Variants in CDH13 observed in about 807,000 individuals in gnomAD.
CDH13 encodes the protein cadherin-13.
Under a neutral mutation model 63.8 loss-of-function variants are expected in CDH13, and 24 were observed. That is an observed-to-expected ratio of 0.38 (90% CI 0.27 to 0.53). The LOEUF (loss-of-function observed/expected upper bound fraction) is 0.53, where lower values mean the gene tolerates loss of function less well. CDH13 is among the 20% of genes least tolerant of loss of function. The pLI is 0.85. For missense variants in CDH13, 1,049 were observed against 903.1 expected, an observed-to-expected ratio of 1.16 and a Z score of -2.07; for synonymous variants, 503 against 355.3, an observed-to-expected ratio of 1.42 and a Z score of -4.67.
chr16:82,772,027 C>T (rs147897972), intron 1 of CDH13, among the ~76,000 whole-genome samples: 1 of 152,166 alleles, frequency 6.6e-6, no homozygotes, highest in Non-Finnish European at 1.5e-5. Flanking sequence ...GTGTTACAGA[C>T]AAAGCAGATC....
At chr16:83,262,061 G>T (rs1448153970) in intron 5 of CDH13, among the ~76,000 whole-genome samples, 2 of 152,196 alleles carry the variant, frequency 1.3e-5, no homozygotes, top group Non-Finnish European at 2.9e-5. Context: ...CTGGCACACT[G>T]AGAAGTTACC....
chr16:82,665,240 G>C (rs1466827046), intron 1 of CDH13, among the ~76,000 whole-genome samples: 1 of 152,174 alleles, frequency 6.6e-6, no homozygotes, highest in East Asian at 1.9e-4. Context: ...GTGGACTGCA[G>C]AGTGCTCTCT....
At chr16:83,400,049 A>G (rs2091944754) in intron 6 of CDH13, among the ~76,000 whole-genome samples, 1 of 152,130 alleles carries the variant, frequency 6.6e-6, no homozygotes, top group Admixed American at 6.5e-5. Flanking sequence ...TCGTTCCCTT[A>G]TAATGCCTGT....
At chr16:83,573,745 T>C (rs890017519) in intron 7 of CDH13, among the ~76,000 whole-genome samples, 16 of 152,208 alleles carry the variant, frequency 1.1e-4, no homozygotes, top group African/African-American at 3.9e-4. Context: ...TATCACCCAG[T>C]AGATTCTTTA....
intron 7 of CDH13, among the ~76,000 whole-genome samples, chr16:83,505,882 C>T (rs1467273242): frequency 6.6e-6 from 1 of 152,162 alleles, no homozygotes; most frequent in African/African-American, 2.4e-5. Context: ...AAAGCAGCCT[C>T]CATTGCCAAC....
chr16:83,406,256 T>C (rs570124005), intron 6 of CDH13, among the ~76,000 whole-genome samples: 1 of 152,288 alleles, frequency 6.6e-6, no homozygotes, highest in East Asian at 1.9e-4. Flanking sequence ...GCCACACAGC[T>C]GTAAGAAATA....
rs141490518 is a variant in CDH13 at position 83,768,884 on chromosome 16, T to A, written c.1682-11084T>A. Among the ~76,000 whole-genome samples, 1,071 of 152,258 alleles carry A rather than the reference T, an allele frequency of 7.0e-3. 8 individuals are homozygous for A. Among genetic ancestry groups the A allele is most frequent in the African/African-American group, 0.025 (1,023 of 41,550 alleles). ...ATCAGCAAGGTCTTTATAACCTATATCTTGTGCTGACCTCCTATCTCATCC... is the reference window on the plus strand; with the variant it reads ...ATCAGCAAGGTCTTTATAACCTATAACTTGTGCTGACCTCCTATCTCATCC... On this transcript the variant is annotated intron_variant, in intron 11 of 13. Coordinates refer to ENST00000567109, the MANE Select transcript of CDH13 (RefSeq NM_001257.5).
intron 5 of CDH13, among the ~76,000 whole-genome samples, chr16:83,340,911 G>T (rs2090707609): frequency 6.6e-6 from 1 of 152,010 alleles, no homozygotes; most frequent in Non-Finnish European, 1.5e-5. Context: ...TTATTCCCAT[G>T]CAGGTCAACC....
At chr16:83,635,208 G>A (rs1197161505) in intron 8 of CDH13, among the ~76,000 whole-genome samples, 1 of 151,768 alleles carries the variant, frequency 6.6e-6, no homozygotes, top group Non-Finnish European at 1.5e-5. Flanking sequence ...AAACATCTTT[G>A]CATGTGCTTA....
At chr16:83,618,818 T>C (rs1444497008) in intron 8 of CDH13, among the ~76,000 whole-genome samples, 1 of 151,110 alleles carries the variant, frequency 6.6e-6, no homozygotes, top group Non-Finnish European at 1.5e-5. Flanking sequence ...CAGGTTCAAC[T>C]TATCCTGTGA....
At chr16:83,311,327 TA>T (rs66626032) in intron 5 of CDH13, among the ~76,000 whole-genome samples, 65,000 of 149,846 alleles carry the variant, frequency 0.43, 14,027 homozygotes, top group East Asian at 0.48. Context: ...AGGAGATTGT[TA>T]AAAAAAAAAA....
At chr16:82,748,781 C>G (rs1340742511) in intron 1 of CDH13, among the ~76,000 whole-genome samples, 1 of 152,080 alleles carries the variant, frequency 6.6e-6, no homozygotes, top group Non-Finnish European at 1.5e-5. Flanking sequence ...GGTAGAAGAC[C>G]TGTGGATTGG....
At chr16:82,743,355 G>C (rs1351692957) in intron 1 of CDH13, among the ~76,000 whole-genome samples, 1 of 152,092 alleles carries the variant, frequency 6.6e-6, no homozygotes, top group Admixed American at 6.6e-5. Context: ...AGCCTTTTAG[G>C]TAGTGGGGCC....
At chr16:82,917,274 G>T (rs141417972) in intron 2 of CDH13, among the ~76,000 whole-genome samples, 1 of 152,248 alleles carries the variant, frequency 6.6e-6, no homozygotes, top group Non-Finnish European at 1.5e-5. Flanking sequence ...TCTCCATTGG[G>T]TGGGTCCAAT....
chr16:83,524,549 T>C (rs2074914174), intron 7 of CDH13, among the ~76,000 whole-genome samples: 1 of 146,524 alleles, frequency 6.8e-6, no homozygotes, highest in Admixed American at 7.1e-5. Context: ...GCCTCCTGGG[T>C]TCACGCCATT....
At chr16:82,674,772 G>A (rs980482839) in intron 1 of CDH13, among the ~76,000 whole-genome samples, 2 of 152,218 alleles carry the variant, frequency 1.3e-5, no homozygotes, top group Non-Finnish European at 2.9e-5. Flanking sequence ...AAAGACAGGA[G>A]GAACTAAATT....
rs745434540 is a variant in CDH13, at chr16:83,344,968, G to T, written c.743G>T (p.Gly248Val). 3 of 1,613,818 alleles carry T rather than the reference G, an allele frequency of 1.9e-6. No individual in the cohort carries two copies. The highest frequency in any genetic ancestry group is 1.1e-5 in the South Asian group (1 of 91,082). ...QNDNRPIFRE[G>V]PYIGHVMEGS... is the part of the protein sequence containing the mutation. ...GACAACCGACCGATCTTTCGGGAAG[G>T]CCCCTACATCGGCCACGTCATGGAA... is the stretch of plus-strand genomic sequence containing the variant. Residue 248 changes from glycine to valine, a missense_variant, in exon 6 of 14, where the codon GGC (glycine) becomes GTC (valine). Gly to Val is a moderately radical substitution (Grantham distance 109). Transcript: ENST00000567109.
At chr16:83,392,802 T>C (rs1427356401) in intron 6 of CDH13, among the ~76,000 whole-genome samples, 1 of 152,104 alleles carries the variant, frequency 6.6e-6, no homozygotes, top group Non-Finnish European at 1.5e-5. Context: ...CTTTAAATTA[T>C]GTAGGAAATA....
intron 8 of CDH13, among the ~76,000 whole-genome samples, chr16:83,613,694 G>A (rs1308854633): frequency 2.0e-5 from 3 of 152,170 alleles, no homozygotes; most frequent in South Asian, 2.1e-4. Context: ...TTAGTCAGGC[G>A]TGGTGGCGCC....
Sources: gnomAD v4.1 joint callset for allele counts (sites outside exome capture counted in the v4.1 genomes callset) on GRCh38, gnomAD v4.1.1 for gene constraint, MANE v1.5 for transcripts, NCBI Gene and HGNC (gene_info 2026-07-23, HGNC 2026-07-21) for gene names.